Variants in BCAS4 observed in about 807,000 individuals in gnomAD.
BCAS4 encodes breast carcinoma-amplified sequence 4.
BCAS4 carries 9 observed loss-of-function variants against 15.7 expected under a neutral mutation model. The ratio of observed to expected loss-of-function variants is 0.57; its 90% CI spans 0.34 to 1.00. BCAS4 has a LOEUF of 1.00. Ranked by LOEUF, BCAS4 falls within the 50% of genes least tolerant of loss-of-function variation. The pLI is 0.02. For synonymous variants in BCAS4, 101 were observed against 99.5 expected (o/e 1.02, Z -0.09); for missense variants, 225 against 239.1 (o/e 0.94, Z 0.39).
At chr20:50,865,554 GC>G (rs910127185) in intron 4 of BCAS4, among the ~76,000 whole-genome samples, 16 of 152,282 alleles carry the variant, frequency 1.1e-4, no homozygotes, top group African/African-American at 3.8e-4. Context: ...TTCCAGAGCT[GC>G]CCCCTAGGGT....
At chr20:50,859,910 C>CG (rs1249536687) in intron 4 of BCAS4, among the ~76,000 whole-genome samples, 1 of 151,992 alleles carries the variant, frequency 6.6e-6, no homozygotes, top group East Asian at 1.9e-4. Context: ...GAGGCTGAGG[C>CG]GGGAGGATCG....
rs1052561676 is a variant in BCAS4 at position 50,816,718 on chromosome 20, G to A, written c.91-1493G>A. ...GTCGCCCAGCCTGGAGTGCAGTGGT[G>A]CGATCACTGCTTACTGCAGCCTCAG... On this transcript the variant is annotated intron_variant, in intron 1 of 4. Transcript: ENST00000371608. Among the ~76,000 whole-genome samples the A allele has an allele frequency of 4.0e-5, 6 of 151,510 alleles. No homozygotes were observed. In the East Asian group the frequency reaches 9.7e-4, roughly 24 times the overall value.
At chr20:50,802,221 AT>A (rs1484439157) in intron 1 of BCAS4, among the ~76,000 whole-genome samples, 7 of 152,044 alleles carry the variant, frequency 4.6e-5, no homozygotes, top group Non-Finnish European at 1.0e-4. Flanking sequence ...GAAAAGATTC[AT>A]GGCCACGTGG....
At chr20:50,857,162 G>A (rs181014782) in intron 4 of BCAS4, among the ~76,000 whole-genome samples, 12 of 152,160 alleles carry the variant, frequency 7.9e-5, no homozygotes, top group South Asian at 2.1e-4. Flanking sequence ...ACAGAGTTTC[G>A]CTCTTGTTGC....
intron 1 of BCAS4, among the ~76,000 whole-genome samples, chr20:50,808,406 CTG>C (rs1258980408): frequency 1.3e-5 from 2 of 152,346 alleles, no homozygotes; most frequent in East Asian, 3.9e-4. Flanking sequence ...AATCTCCACA[CTG>C]TTTTCCGTAG....
chr20:50,847,458 C>T (rs1050989934), intron 4 of BCAS4, among the ~76,000 whole-genome samples: 2 of 152,136 alleles, frequency 1.3e-5, no homozygotes, highest in African/African-American at 2.4e-5. Context: ...CAGCGGTGAG[C>T]GGGAATCACG....
chr20:50,800,973 C>G (rs2087919954), intron 1 of BCAS4, among the ~76,000 whole-genome samples: 1 of 152,194 alleles, frequency 6.6e-6, no homozygotes, highest in Non-Finnish European at 1.5e-5. Flanking sequence ...CCTTGAGTTT[C>G]AAGAAAAATG....
At chr20:50,849,834 A>G (rs1978327345) in intron 4 of BCAS4, among the ~76,000 whole-genome samples, 1 of 152,166 alleles carries the variant, frequency 6.6e-6, no homozygotes, top group South Asian at 2.1e-4. Context: ...ACTGTGTGGA[A>G]AAACATGTTG....
intron 4 of BCAS4, among the ~76,000 whole-genome samples, chr20:50,855,184 C>T (rs1359000233): frequency 6.6e-6 from 1 of 152,212 alleles, no homozygotes; most frequent in Non-Finnish European, 1.5e-5. Context: ...ACCCTCACCC[C>T]CAGCCCTGCT....
intron 1 of BCAS4, among the ~76,000 whole-genome samples, chr20:50,803,194 G>A (rs1231180328): frequency 1.3e-5 from 2 of 152,234 alleles, no homozygotes; most frequent in South Asian, 2.1e-4. Context: ...AACAAAACAC[G>A]TTCCCAAAGA....
At chr20:50,846,018 C>T (rs1306727434) in intron 4 of BCAS4, among the ~76,000 whole-genome samples, 2 of 152,208 alleles carry the variant, frequency 1.3e-5, no homozygotes, top group Non-Finnish European at 2.9e-5. Context: ...CCGACTGGAT[C>T]CTGGCCTCTC....
chr20:50,799,357 G>A (rs1164607187), intron 1 of BCAS4, among the ~76,000 whole-genome samples: 1 of 152,160 alleles, frequency 6.6e-6, no homozygotes, highest in Non-Finnish European at 1.5e-5. Flanking sequence ...CCCACTGAAA[G>A]CACTTGTTGA....
At chr20:50,797,008 A>G (rs966836157) in intron 1 of BCAS4, among the ~76,000 whole-genome samples, 1 of 151,842 alleles carries the variant, frequency 6.6e-6, no homozygotes, top group East Asian at 1.9e-4. Flanking sequence ...CTTTTAAAAC[A>G]AAGTTATTTT....
chr20:50,834,071 G>T (rs990597547), intron 3 of BCAS4, among the ~76,000 whole-genome samples: 10 of 152,124 alleles, frequency 6.6e-5, no homozygotes, highest in African/African-American at 2.4e-4. Context: ...GGAATGAGAC[G>T]GAGTGAGGGG....
At chr20:50,807,484 G>A (rs910401158) in intron 1 of BCAS4, among the ~76,000 whole-genome samples, 2 of 152,230 alleles carry the variant, frequency 1.3e-5, no homozygotes, top group African/African-American at 4.8e-5. Flanking sequence ...ATGGGCCACT[G>A]CACCTGGACT....
At chr20:50,852,483 G>T (rs372493296) in intron 4 of BCAS4, among the ~76,000 whole-genome samples, 1 of 152,118 alleles carries the variant, frequency 6.6e-6, no homozygotes, top group East Asian at 1.9e-4. Flanking sequence ...CCACGCTCAA[G>T]CAGTTCTCCT....
intron 2 of BCAS4, among the ~76,000 whole-genome samples, chr20:50,825,743 G>A (rs1409103171): frequency 1.3e-5 from 2 of 152,164 alleles, no homozygotes; most frequent in African/African-American, 2.4e-5. Context: ...CAGGCATGGT[G>A]GCAGGTGCTT....
chr20:50,825,711 T>C lies in BCAS4; in HGVS notation c.163-4568T>C, dbSNP rs148194955. Among the ~76,000 whole-genome samples, 512 of 152,252 alleles carry C rather than the reference T, an allele frequency of 3.4e-3. 3 individuals are homozygous for C. The highest frequency in any genetic ancestry group is 0.012 in the African/African-American group (500 of 41,540). ...GGCCAACATGGTGAAACCCCATCTC[T>C]ACTAAAAATACAAAAATTAGCCAGG... On this transcript the variant is annotated intron_variant, in intron 2 of 4. Transcript: ENST00000371608.
intron 4 of BCAS4, among the ~76,000 whole-genome samples, chr20:50,856,071 G>A (rs913636925): frequency 1.3e-4 from 20 of 152,206 alleles, no homozygotes; most frequent in Non-Finnish European, 2.2e-4. Flanking sequence ...CTGCTGGGTC[G>A]CAGGCATTCC....
Sources: allele counts gnomAD v4.1 joint callset (sites outside exome capture counted in the v4.1 genomes callset), GRCh38; gene constraint gnomAD v4.1.1; transcripts MANE v1.5; gene names NCBI Gene and HGNC (gene_info 2026-07-23, HGNC 2026-07-21).